Variants in SMAD2 observed in about 807,000 individuals in gnomAD.
The protein encoded by SMAD2 is MAD homolog 2.
SMAD2 carries 8 observed loss-of-function variants against 64.4 expected under a neutral mutation model. The observed-to-expected ratio is 0.12, with a 90% confidence interval of 0.07 to 0.22. The LOEUF is 0.22. Among genes scored for constraint, SMAD2 ranks in the 10% least tolerant of loss-of-function variants. SMAD2 has a pLI of 1.00. For missense variants in SMAD2, 289 were observed against 561.2 expected, an observed-to-expected ratio of 0.51 and a Z score of 4.90; for synonymous variants, 203 against 195.8, an observed-to-expected ratio of 1.04 and a Z score of -0.31.
chr18:47,872,934 T>C (rs1450264069), intron 2 of SMAD2, among the ~76,000 whole-genome samples: 1 of 152,170 alleles, frequency 6.6e-6, no homozygotes, highest in Non-Finnish European at 1.5e-5. Context: ...AAAATAAGGC[T>C]TACTGCGGCC....
chr18:47,826,536 T>C lies in SMAD2; in HGVS notation c.*15291A>G, dbSNP rs1340669566. The C allele has an allele frequency of 5.3e-5, 8 of 152,222 alleles. No individual in the cohort carries two copies. Among genetic ancestry groups the C allele is most frequent in the African/African-American group, 4.8e-5 (2 of 41,456 alleles). The allele number at this position is 152,222 out of a possible 1,614,324, so 9.4% of individuals were successfully genotyped here. On this transcript the variant is annotated 3_prime_UTR_variant, in exon 11 of 11. Transcript: ENST00000262160. ...AAAAACATGCTTGTTTAATGGAGGATAGGAGGCATGTGGAAAAATGCCAAG... is the reference window on the plus strand; with the variant it reads ...AAAAACATGCTTGTTTAATGGAGGACAGGAGGCATGTGGAAAAATGCCAAG...
At chr18:47,860,562 C>T (rs929564313) in intron 6 of SMAD2, among the ~76,000 whole-genome samples, 2 of 152,054 alleles carry the variant, frequency 1.3e-5, no homozygotes, top group African/African-American at 4.8e-5. Context: ...GGATTACAGG[C>T]AAGAACTACC....
intron 8 of SMAD2, 26 bp downstream of exon 8, chr18:47,848,449 T>C (rs745647457): frequency 3.9e-6 from 6 of 1,548,084 alleles, no homozygotes; most frequent in Non-Finnish European, 4.5e-6. Flanking sequence ...GCATTTATTT[T>C]TCACAACAAG....
chr18:47,848,770 C>T (rs957734602), intron 7 of SMAD2, 83 bp from the exon 8 acceptor site: 1 of 972,290 alleles, frequency 1.0e-6, no homozygotes, highest in East Asian at 2.6e-5. Flanking sequence ...ATATAATCAT[C>T]TTTACATGCT....
intron 6 of SMAD2, among the ~76,000 whole-genome samples, chr18:47,862,297 T>C (rs575142125): frequency 6.6e-6 from 1 of 152,328 alleles, no homozygotes; most frequent in East Asian, 1.9e-4. Flanking sequence ...GGGCTTGCTC[T>C]AACAAAATAC....
At chr18:47,854,138 T>C (rs1692678012) in intron 6 of SMAD2, among the ~76,000 whole-genome samples, 1 of 152,048 alleles carries the variant, frequency 6.6e-6, no homozygotes, top group African/African-American at 2.4e-5. Flanking sequence ...CTATGAATTA[T>C]TCATACATAA....
intron 1 of SMAD2, among the ~76,000 whole-genome samples, chr18:47,907,962 T>C (rs1261115495): frequency 1.3e-5 from 2 of 152,174 alleles, no homozygotes. Context: ...AACTGAACAT[T>C]TGAAGTCTGT....
rs182585132 is a variant in SMAD2 at position 47,914,786 on chromosome 18, C to T, written c.-54+15575G>A. Among the ~76,000 whole-genome samples, 6 of 152,200 alleles carry T rather than the reference C, an allele frequency of 3.9e-5. No homozygotes were observed. In the East Asian group the frequency reaches 1.2e-3, roughly 29 times the overall value. Reference sequence around the variant, plus strand: ...CTTGATATTTGTCAGGGTGACCCCCCTTCCTTATTTTTCAGATGTGTAGTA... The same window carrying T: ...CTTGATATTTGTCAGGGTGACCCCCTTTCCTTATTTTTCAGATGTGTAGTA... On this transcript the variant is annotated intron_variant, in intron 1 of 10. Transcript: ENST00000262160.
intron 10 of SMAD2, among the ~76,000 whole-genome samples, chr18:47,844,434 C>T (rs576568586): frequency 8.0e-4 from 122 of 152,288 alleles, no homozygotes; most frequent in South Asian, 2.1e-3. Flanking sequence ...TTAATTCCTA[C>T]TCTTAAATAT....
rs1341030288 is a variant in SMAD2, at chr18:47,828,284, C to G, written c.*13543G>C. ...CGTCCGGGAGGTGGGGGGCAACCCC[C>G]GCCCGGCCAGCTGCCCCGTTCGGGA... On this transcript the variant is annotated 3_prime_UTR_variant, in exon 11 of 11. Transcript: ENST00000262160. 6.5e-6 allele frequency: 1 copy of G among 153,846 alleles called. No homozygotes were observed. Among genetic ancestry groups the G allele is most frequent in the African/African-American group, 2.4e-5 (1 of 41,110 alleles). 9.5% of individuals were successfully genotyped at this position (153,846 alleles called of 1,614,324 possible). A position where few individuals can be genotyped will look rare whatever the true frequency, so the allele number is the denominator to read the frequency against.
intron 2 of SMAD2, among the ~76,000 whole-genome samples, chr18:47,885,606 G>A (rs905945105): frequency 3.3e-5 from 5 of 152,074 alleles, no homozygotes; most frequent in Admixed American, 3.3e-4. Context: ...CTGTATATGT[G>A]GGCTCCACAT....
chr18:47,922,701 T>C lies in SMAD2; in HGVS notation c.-54+7660A>G, dbSNP rs182010541. On this transcript the variant is annotated intron_variant, in intron 1 of 10. Coordinates refer to ENST00000262160, the MANE Select transcript of SMAD2 (RefSeq NM_005901.6). The stretch of plus-strand genomic sequence containing the variant: ...CAGCAGCATCAATGACCTGGAATTG[T>C]ATAACTGTTTTAGTCAAATAAATAA... 23 of 152,350 alleles carry C rather than the reference T, an allele frequency of 1.5e-4. No homozygotes were observed. The East Asian group carries it at 4.4e-3, about 29-fold the overall frequency. 9.4% of individuals were successfully genotyped at this position (152,350 alleles called of 1,614,324 possible).
chr18:47,912,447 C>T (rs1285507880), intron 1 of SMAD2: 2 of 152,148 alleles, frequency 1.3e-5, no homozygotes, highest in African/African-American at 4.8e-5. Context: ...ACCCTGAAGG[C>T]TAAAGGGTCA....
chr18:47,928,364 G>A (rs2034852248), intron 1 of SMAD2, among the ~76,000 whole-genome samples: 1 of 152,140 alleles, frequency 6.6e-6, no homozygotes, highest in South Asian at 2.1e-4. Flanking sequence ...GCTAAACCGA[G>A]TTTTTCCATT....
chr18:47,907,835 C>T (rs1009622370), intron 1 of SMAD2, among the ~76,000 whole-genome samples: 1 of 152,108 alleles, frequency 6.6e-6, no homozygotes, highest in African/African-American at 2.4e-5. Context: ...ATACTCCTAG[C>T]TACTTGAAAG....
Position 47,834,358 on chromosome 18 carries a change from C to A in SMAD2, c.*7469G>T, listed in dbSNP as rs1913207377. 1 of 207,926 alleles carries A rather than the reference C, an allele frequency of 4.8e-6. No homozygotes were observed. Among genetic ancestry groups the A allele is most frequent in the East Asian group, 7.2e-5 (1 of 13,860 alleles). 12.9% of individuals were successfully genotyped at this position (207,926 alleles called of 1,614,324 possible). A position where few individuals can be genotyped will look rare whatever the true frequency, so the allele number is the denominator to read the frequency against. On this transcript the variant is annotated 3_prime_UTR_variant, in exon 11 of 11. Transcript: ENST00000262160. Reference sequence around the variant, plus strand: ...AATCGCTTTTGGGCAGTGGTTAAGGCCTCTGATGTGCTACTTATCAGAAAA... The same window carrying A: ...AATCGCTTTTGGGCAGTGGTTAAGGACTCTGATGTGCTACTTATCAGAAAA...
chr18:47,896,507 C>G lies in SMAD2; in HGVS notation c.236+14G>C. 1 of 1,613,768 alleles carries G rather than the reference C, an allele frequency of 6.2e-7. No individual in the cohort carries two copies. The highest frequency in any genetic ancestry group is 8.5e-7 in the Non-Finnish European group (1 of 1,179,672). On this transcript the variant is annotated intron_variant, in intron 2 of 10. Transcript: ENST00000262160. ...GACATAATTTGATCAAACCTGGGAT[C>G]TAACAAAACTTACCTTGGTATGGTA...
At position 47,822,562 on chromosome 18, in the gene SMAD2, A is replaced by C. The variant is rs898134629; in HGVS notation, c.*19265T>G. 7 of 152,236 alleles carry C rather than the reference A, an allele frequency of 4.6e-5. No individual in the cohort carries two copies. The highest frequency in any genetic ancestry group is 5.9e-5 in the Non-Finnish European group (4 of 68,054). 9.4% of individuals were successfully genotyped at this position (152,236 alleles called of 1,614,324 possible). On this transcript the variant is annotated 3_prime_UTR_variant, in exon 11 of 11. Transcript: ENST00000262160. ...AATGTTTTGTTTTCCATATTTAAAG[A>C]AATTCTCTCATGCTATCTATAGTTT... is the stretch of plus-strand genomic sequence containing the variant.
In SMAD2 at chr18:47,836,813, C is replaced by A; in HGVS notation, c.*5014G>T. The A allele has an allele frequency of 4.6e-6, 1 of 215,812 alleles. No individual in the cohort carries two copies. Among genetic ancestry groups the A allele is most frequent in the South Asian group, 1.9e-4 (1 of 5,318 alleles). The allele number at this position is 215,812 out of a possible 1,614,324, so 13.4% of individuals were successfully genotyped here. A position where few individuals can be genotyped will look rare whatever the true frequency, so the allele number is the denominator to read the frequency against. On this transcript the variant is annotated 3_prime_UTR_variant, in exon 11 of 11. Coordinates refer to ENST00000262160, the MANE Select transcript of SMAD2 (RefSeq NM_005901.6). Reference sequence around the variant, plus strand: ...GCTCATATTTCCTGGTTGTAAGGCTCAAAACACAGGAATTCCACTCCAAGA... The same window carrying A: ...GCTCATATTTCCTGGTTGTAAGGCTAAAAACACAGGAATTCCACTCCAAGA...
Sources: allele counts gnomAD v4.1 joint callset (sites outside exome capture counted in the v4.1 genomes callset), GRCh38; gene constraint gnomAD v4.1.1; transcripts MANE v1.5; gene names NCBI Gene and HGNC (gene_info 2026-07-23, HGNC 2026-07-21).